PHACTR1: variants seen among roughly 807,000 people sequenced by gnomAD.
PHACTR1 encodes the protein RPEL repeat containing 1.
PHACTR1 carries 16 observed loss-of-function variants against 69.2 expected under a neutral mutation model. The ratio of observed to expected loss-of-function variants is 0.23; its 90% CI spans 0.16 to 0.35. The LOEUF is 0.35. Among genes scored for constraint, PHACTR1 ranks in the 10% least tolerant of loss-of-function variants. The pLI is 1.00. For missense variants in PHACTR1, 510 were observed against 734.7 expected, an observed-to-expected ratio of 0.69 and a Z score of 3.54; for synonymous variants, 312 against 284.5, an observed-to-expected ratio of 1.10 and a Z score of -0.97.
chr6:12,987,903 G>A (rs771286951), intron 4 of PHACTR1, among the ~76,000 whole-genome samples: 13 of 152,182 alleles, frequency 8.5e-5, no homozygotes, highest in Middle Eastern at 3.2e-3. Flanking sequence ...GGCAACACCA[G>A]TCCCCACTAT....
At chr6:13,195,124 G>C (rs532282619) in intron 7 of PHACTR1, among the ~76,000 whole-genome samples, 119 of 152,272 alleles carry the variant, frequency 7.8e-4, no homozygotes, top group Non-Finnish European at 1.4e-3. Context: ...GGCGGGCCTC[G>C]TGTTCTGAAG....
At chr6:12,995,835 G>A (rs1797360071) in intron 4 of PHACTR1, among the ~76,000 whole-genome samples, 1 of 151,894 alleles carries the variant, frequency 6.6e-6, no homozygotes, top group Non-Finnish European at 1.5e-5. Flanking sequence ...TTATACATTA[G>A]TTAACTTAGT....
At chr6:13,170,402 T>C (rs9357620) in intron 6 of PHACTR1, among the ~76,000 whole-genome samples, 37,313 of 152,056 alleles carry the variant, frequency 0.25, 5,187 homozygotes, top group East Asian at 0.44. Flanking sequence ...TCCTGTGAAC[T>C]CATGGCAGGG....
chr6:13,092,127 A>G (rs913087574), intron 5 of PHACTR1, among the ~76,000 whole-genome samples: 7 of 152,152 alleles, frequency 4.6e-5, no homozygotes, highest in African/African-American at 1.4e-4. Flanking sequence ...ATCTAATGCC[A>G]CTGATCTGAC....
chr6:13,090,640 A>T (rs1171105634), intron 5 of PHACTR1, among the ~76,000 whole-genome samples: 1 of 152,126 alleles, frequency 6.6e-6, no homozygotes. Flanking sequence ...GTTCATTTTT[A>T]TCCCTGCAAG....
intron 7 of PHACTR1, among the ~76,000 whole-genome samples, chr6:13,193,355 G>GTATATATATATATATATATATATATA (rs1763859518): frequency 4.4e-5 from 2 of 45,076 alleles, no homozygotes; most frequent in Non-Finnish European, 1.3e-4. Context: ...ATAGCTCTCT[G>GTATATATATATATATATATATATATA]TGTATATATA....
rs59070503 is a variant in PHACTR1 at position 13,199,383 on chromosome 6, CAAAAAAAAAAAAAA to C, written c.665-6416_665-6403del. ...TGGGCGACAAAGTGAGAGTCCATCT[CAAAAAAAAAAAAAA>C]AAAAAAAAAAAAAAACATTGGCATC... On this transcript the variant is annotated intron_variant, in intron 7 of 14. Coordinates refer to ENST00000332995, the MANE Select transcript of PHACTR1 (RefSeq NM_030948.6). Among the ~76,000 whole-genome samples, 108 of 78,260 alleles carry C rather than the reference CAAAAAAAAAAAAAA, an allele frequency of 1.4e-3. 1 individual carries two copies. The East Asian group carries it at 0.05, about 36-fold the overall frequency. The allele number at this position is 78,260 out of a possible 152,430, so 51.3% of individuals were successfully genotyped here.
intron 10 of PHACTR1, among the ~76,000 whole-genome samples, chr6:13,248,715 C>G (rs1773931991): frequency 6.6e-6 from 1 of 152,114 alleles, no homozygotes. Context: ...GAGAAGCATG[C>G]CTTTAGCTGC....
intron 5 of PHACTR1, among the ~76,000 whole-genome samples, chr6:13,066,439 GA>G (rs1269597364): frequency 6.6e-6 from 1 of 152,178 alleles, no homozygotes; most frequent in African/African-American, 2.4e-5. Flanking sequence ...CGAGTTTGAA[GA>G]ATTTGCCATC....
intron 7 of PHACTR1, among the ~76,000 whole-genome samples, chr6:13,187,767 T>A (rs1167152701): frequency 6.6e-6 from 1 of 152,204 alleles, no homozygotes; most frequent in Non-Finnish European, 1.5e-5. Context: ...AGGGATACCC[T>A]GAGCCACGGA....
chr6:12,856,520 T>A lies in PHACTR1; in HGVS notation c.250+106730T>A, dbSNP rs541810414. ...ATCCGTCCACCTCAGCCTTCCAAAG[T>A]GCTGGGATTACAGGCGTGAGCCACT... On this transcript the variant is annotated intron_variant, in intron 4 of 14. Coordinates refer to ENST00000332995, the MANE Select transcript of PHACTR1 (RefSeq NM_030948.6). Among the ~76,000 whole-genome samples the A allele has an allele frequency of 5.9e-5, 9 of 152,272 alleles. No homozygotes were observed. The East Asian group carries it at 1.2e-3, about 20-fold the overall frequency.
intron 4 of PHACTR1, among the ~76,000 whole-genome samples, chr6:12,969,836 G>A (rs541277159): frequency 4.1e-4 from 63 of 152,160 alleles, no homozygotes; most frequent in African/African-American, 1.5e-3. Context: ...GGTGGCACGC[G>A]CCTATAATCC....
At chr6:12,930,023 C>T (rs1429031273) in intron 4 of PHACTR1, among the ~76,000 whole-genome samples, 1 of 152,058 alleles carries the variant, frequency 6.6e-6, no homozygotes, top group Non-Finnish European at 1.5e-5. Context: ...AATCTCCCAA[C>T]ACTGCCTGTA....
At chr6:12,872,692 C>A (rs941776830) in intron 4 of PHACTR1, among the ~76,000 whole-genome samples, 2 of 152,142 alleles carry the variant, frequency 1.3e-5, no homozygotes, top group African/African-American at 4.8e-5. Context: ...TTCTTTCCCC[C>A]ATGACATCAA....
intron 10 of PHACTR1, chr6:13,267,696 G>A (rs1004873788): frequency 2.0e-5 from 3 of 152,170 alleles, no homozygotes; most frequent in African/African-American, 7.2e-5. Flanking sequence ...TTAAGAATGT[G>A]TCTGGCCCTT....
At chr6:12,759,743 G>A in intron 4 of PHACTR1, among the ~76,000 whole-genome samples, 1 of 152,166 alleles carries the variant, frequency 6.6e-6, no homozygotes, top group South Asian at 2.1e-4. Context: ...AGTGAAAGGG[G>A]CCCACAAAGG....
intron 8 of PHACTR1, among the ~76,000 whole-genome samples, chr6:13,218,322 G>A (rs1767988622): frequency 6.6e-6 from 1 of 152,124 alleles, no homozygotes; most frequent in African/African-American, 2.4e-5. Flanking sequence ...CTACTCATCA[G>A]CCTGTACCGT....
chr6:12,734,339 C>T (rs522117), intron 3 of PHACTR1, among the ~76,000 whole-genome samples: 2 of 152,090 alleles, frequency 1.3e-5, no homozygotes, highest in African/African-American at 2.4e-5. Flanking sequence ...GCTTGGAGCT[C>T]GCTAGTAATA....
Position 13,189,614 on chromosome 6 carries a change from G to T in PHACTR1, c.664+6928G>T, listed in dbSNP as rs114868677. ...GGAATTTCACAAAGTTGCCCAGGCT[G>T]GTCTGGACCTCCTGAGCTCAAGTGA... On this transcript the variant is annotated intron_variant, in intron 7 of 14. Transcript: ENST00000332995. 3.0e-3 allele frequency among the ~76,000 whole-genome samples: 453 copies of T among 152,138 alleles called. 3 individuals carry two copies. Among genetic ancestry groups the T allele is most frequent in the African/African-American group, 0.011 (436 of 41,492 alleles).
Sources: gnomAD v4.1 joint callset for allele counts (sites outside exome capture counted in the v4.1 genomes callset) on GRCh38, gnomAD v4.1.1 for gene constraint, MANE v1.5 for transcripts, NCBI Gene and HGNC (gene_info 2026-07-23, HGNC 2026-07-21) for gene names.